Variants in PCDH15 observed in about 807,000 individuals in gnomAD.
The protein encoded by PCDH15 is protocadherin-15.
PCDH15 carries 129 observed loss-of-function variants against 178.5 expected under a neutral mutation model. The observed-to-expected ratio is 0.72, with a 90% CI of 0.63 to 0.84. The LOEUF is 0.84. PCDH15 is among the 40% of genes least tolerant of loss of function. The probability of loss-of-function intolerance (pLI) is 0.00; values close to 1 mark genes in which losing one functional copy is unlikely to be tolerated. For synonymous variants in PCDH15, 800 were observed against 732.0 expected, an observed-to-expected ratio of 1.09 and a Z score of -1.50; for missense variants, 2,230 against 2,099.9, an observed-to-expected ratio of 1.06 and a Z score of -1.21.
At chr10:53,976,194 T>C (rs1022665953) in intron 21 of PCDH15, among the ~76,000 whole-genome samples, 6 of 152,106 alleles carry the variant, frequency 3.9e-5, no homozygotes, top group Admixed American at 6.6e-5. Flanking sequence ...TATAGTTTGA[T>C]GTAGGGTAGT....
chr10:54,683,016 T>C (rs1259636138), intron 1 of PCDH15, among the ~76,000 whole-genome samples: 1 of 152,130 alleles, frequency 6.6e-6, no homozygotes, highest in Non-Finnish European at 1.5e-5. Context: ...AATTTATACA[T>C]GCAGCCTCTG....
intron 8 of PCDH15, among the ~76,000 whole-genome samples, chr10:54,250,988 T>A (rs1474301443): frequency 1.3e-5 from 2 of 149,856 alleles, no homozygotes; most frequent in Non-Finnish European, 3.0e-5. Flanking sequence ...CATATTTAGA[T>A]TAATTTTATT....
chr10:54,717,058 T>C (rs1479569734), intron 1 of PCDH15, among the ~76,000 whole-genome samples: 4 of 148,342 alleles, frequency 2.7e-5, no homozygotes, highest in Admixed American at 6.8e-5. Flanking sequence ...GCTAGCTATA[T>C]GTAGAAAGCT....
intron 1 of PCDH15, among the ~76,000 whole-genome samples, chr10:54,756,473 T>A (rs1689196550): frequency 1.3e-5 from 2 of 152,106 alleles, no homozygotes; most frequent in African/African-American, 4.8e-5. Context: ...AGACTTTTCT[T>A]CCATCAATAT....
In PCDH15 at chr10:53,938,795, C is replaced by T; in HGVS notation, c.3373+20G>A. ...AGACACCATACAATTCTGGTAAAAG[C>T]TTTAAGTAGTATAACTTACTTTTTG... On this transcript the variant is annotated intron_variant, in intron 25 of 37. Coordinates refer to ENST00000644397, the MANE Select transcript of PCDH15 (RefSeq NM_001384140.1). 6.2e-7 allele frequency: 1 copy of T among 1,610,500 alleles called. No homozygotes were observed. The highest frequency in any genetic ancestry group is 8.5e-7 in the Non-Finnish European group (1 of 1,179,056).
At chr10:54,149,481 T>C (rs1295477921) in intron 14 of PCDH15, among the ~76,000 whole-genome samples, 2 of 152,048 alleles carry the variant, frequency 1.3e-5, no homozygotes, top group African/African-American at 4.8e-5. Flanking sequence ...CAAAAGCATA[T>C]AGGTAGCTAT....
chr10:54,088,044 T>G (rs1298614036), intron 16 of PCDH15, among the ~76,000 whole-genome samples: 1 of 152,202 alleles, frequency 6.6e-6, no homozygotes, highest in East Asian at 1.9e-4. Context: ...AGCATCATGC[T>G]TCCTGTATAG....
intron 18 of PCDH15, among the ~76,000 whole-genome samples, chr10:54,063,318 T>C (rs1482294263): frequency 8.5e-5 from 13 of 152,206 alleles, no homozygotes; most frequent in Non-Finnish European, 2.9e-5. Flanking sequence ...CCTTTACTTA[T>C]ACAACTAACT....
chr10:55,488,779 G>C (rs1190330250), intron 2 of PCDH15, among the ~76,000 whole-genome samples: 2 of 151,450 alleles, frequency 1.3e-5, no homozygotes, highest in Non-Finnish European at 3.0e-5. Context: ...CAGTTACCTA[G>C]AAATTCAAAG....
chr10:54,417,011 G>T (rs1366270271), intron 3 of PCDH15, among the ~76,000 whole-genome samples: 1 of 151,958 alleles, frequency 6.6e-6, no homozygotes, highest in African/African-American at 2.4e-5. Flanking sequence ...TGTGACTTCT[G>T]CATGTTAAGC....
intron 2 of PCDH15, among the ~76,000 whole-genome samples, chr10:54,640,745 A>G (rs2093968504): frequency 6.8e-6 from 1 of 146,564 alleles, no homozygotes; most frequent in African/African-American, 2.5e-5. Flanking sequence ...TTAGAAAAAG[A>G]AAAAAAAAAT....
intron 32 of PCDH15, chr10:53,821,804 C>A: frequency 6.2e-7 from 1 of 1,605,678 alleles, no homozygotes; most frequent in Non-Finnish European, 8.5e-7. Flanking sequence ...TGATGTTCAA[C>A]TTGAAGACTA....
At chr10:54,830,405 T>TA (rs1347713021) in intron 3 of PCDH15, among the ~76,000 whole-genome samples, 2 of 152,186 alleles carry the variant, frequency 1.3e-5, no homozygotes, top group East Asian at 1.9e-4. Context: ...TATGCCGCCA[T>TA]AAAAAATGAT....
intron 8 of PCDH15, among the ~76,000 whole-genome samples, chr10:54,246,978 AGTTGAATTGTCT>A (rs1419907224): frequency 1.3e-5 from 2 of 151,896 alleles, no homozygotes; most frequent in African/African-American, 4.8e-5. Context: ...TGCCTATTTT[AGTTGAATTGTCT>A]GTTTTCCTTA....
intron 25 of PCDH15, 32 bp from the exon 26 acceptor site, chr10:53,903,402 G>A (rs764574880): frequency 1.2e-6 from 2 of 1,609,160 alleles, no homozygotes; most frequent in Non-Finnish European, 1.7e-6. Context: ...ATTTTTTATT[G>A]GTGGTTATTC....
intron 25 of PCDH15, among the ~76,000 whole-genome samples, chr10:53,911,932 C>A (rs184053123): frequency 2.0e-3 from 304 of 152,258 alleles, no homozygotes; most frequent in African/African-American, 6.9e-3. Flanking sequence ...GGGAATCCTC[C>A]CTAACTCATT....
intron 1 of PCDH15, among the ~76,000 whole-genome samples, chr10:54,678,379 T>C (rs1386022380): frequency 6.6e-6 from 1 of 152,196 alleles, no homozygotes; most frequent in East Asian, 1.9e-4. Flanking sequence ...TTATTTATGT[T>C]TTTTGTACTA....
intron 18 of PCDH15, among the ~76,000 whole-genome samples, chr10:54,066,091 G>T (rs2094132464): frequency 6.6e-6 from 1 of 152,190 alleles, no homozygotes; most frequent in Non-Finnish European, 1.5e-5. Context: ...ATCTGAGGTT[G>T]ATACTTCAAA....
chr10:54,039,439 T>C (rs1383470597), intron 18 of PCDH15, among the ~76,000 whole-genome samples: 2 of 151,944 alleles, frequency 1.3e-5, no homozygotes, highest in Non-Finnish European at 2.9e-5. Context: ...TTTACATATA[T>C]TTCATTAGAA....
Sources: gnomAD v4.1 joint callset for allele counts (sites outside exome capture counted in the v4.1 genomes callset) on GRCh38, gnomAD v4.1.1 for gene constraint, MANE v1.5 for transcripts, NCBI Gene and HGNC (gene_info 2026-07-23, HGNC 2026-07-21) for gene names.